The following HDAC9 variants were observed in gnomAD, a reference collection of about 807,000 sequenced individuals.
HDAC9 encodes MEF-2 interacting transcription repressor (MITR) protein.
In HDAC9, 41 loss-of-function variants were observed where a neutral mutation model predicts 139.4. The observed-to-expected ratio is 0.29, with a 90% CI of 0.23 to 0.38. The LOEUF (loss-of-function observed/expected upper bound fraction) is 0.38, where lower values mean the gene tolerates loss of function less well. HDAC9 is among the 10% of genes least tolerant of loss of function. HDAC9 has a pLI of 1.00. For missense variants in HDAC9, 1,147 were observed against 1,297.0 expected, an observed-to-expected ratio of 0.88 and a Z score of 1.78; for synonymous variants, 517 against 476.2, an observed-to-expected ratio of 1.09 and a Z score of -1.12.
chr7:18,600,210 G>C (rs1021246766), intron 6 of HDAC9, among the ~76,000 whole-genome samples: 3 of 151,426 alleles, frequency 2.0e-5, no homozygotes, highest in Non-Finnish European at 4.4e-5. Context: ...TTCTTTTTTT[G>C]CTGTTTGTCT....
chr7:18,161,334 T>G (rs1208386730), intron 1 of HDAC9, among the ~76,000 whole-genome samples: 2 of 152,186 alleles, frequency 1.3e-5, no homozygotes, highest in Non-Finnish European at 2.9e-5. Context: ...AATAACACTT[T>G]CAAAATAGTG....
At chr7:18,511,940 G>A (rs1188739411) in intron 2 of HDAC9, among the ~76,000 whole-genome samples, 2 of 148,618 alleles carry the variant, frequency 1.3e-5, no homozygotes, top group African/African-American at 5.0e-5. Flanking sequence ...TTTATGGAGA[G>A]AGAATTCCAG....
At chr7:18,927,338 G>T (rs1426943006) in intron 22 of HDAC9, among the ~76,000 whole-genome samples, 12 of 152,110 alleles carry the variant, frequency 7.9e-5, no homozygotes. Flanking sequence ...GCAACAATCA[G>T]ATTCTGCTTT....
At chr7:18,930,787 G>A (rs1322458896) in intron 22 of HDAC9, among the ~76,000 whole-genome samples, 1 of 152,156 alleles carries the variant, frequency 6.6e-6, no homozygotes, top group Non-Finnish European at 1.5e-5. Flanking sequence ...AATAAACCCT[G>A]TAGGTAAAAG....
intron 17 of HDAC9, among the ~76,000 whole-genome samples, chr7:18,801,415 A>C (rs555990592): frequency 6.6e-6 from 1 of 152,124 alleles, no homozygotes; most frequent in African/African-American, 2.4e-5. Context: ...AAATATTAAA[A>C]ATTTTTGTAT....
intron 1 of HDAC9, among the ~76,000 whole-genome samples, chr7:18,096,077 G>T (rs745551777): frequency 6.6e-6 from 1 of 152,024 alleles, no homozygotes; most frequent in Non-Finnish European, 1.5e-5. Flanking sequence ...ACATCTTTTC[G>T]TTCCCTTGAA....
chr7:18,389,895 G>A (rs1435778361), intron 1 of HDAC9, among the ~76,000 whole-genome samples: 14 of 152,132 alleles, frequency 9.2e-5, no homozygotes, highest in Non-Finnish European at 1.8e-4. Flanking sequence ...ATACTTTAGA[G>A]AGTGTGTGAC....
chr7:18,503,551 G>A (rs1303599454), intron 2 of HDAC9, among the ~76,000 whole-genome samples: 8 of 152,086 alleles, frequency 5.3e-5, no homozygotes, highest in Non-Finnish European at 1.2e-4. Flanking sequence ...TTATCATAAT[G>A]TTAACTTTTC....
intron 1 of HDAC9, among the ~76,000 whole-genome samples, chr7:18,139,485 C>A (rs1785724822): frequency 6.6e-6 from 1 of 152,104 alleles, no homozygotes; most frequent in African/African-American, 2.4e-5. Flanking sequence ...TGATGCTTTA[C>A]TTATAATCTA....
At chr7:18,724,570 C>T (rs977591957) in intron 12 of HDAC9, among the ~76,000 whole-genome samples, 5 of 152,074 alleles carry the variant, frequency 3.3e-5, no homozygotes, top group Non-Finnish European at 5.9e-5. Flanking sequence ...GTACTGTAGA[C>T]ATCATAAACA....
chr7:18,432,578 C>T (rs1350113933), intron 1 of HDAC9, among the ~76,000 whole-genome samples: 1 of 152,210 alleles, frequency 6.6e-6, no homozygotes, highest in East Asian at 1.9e-4. Flanking sequence ...GCATCTTCCC[C>T]TATAATTGGG....
intron 1 of HDAC9, among the ~76,000 whole-genome samples, chr7:18,119,775 G>C (rs1196180221): frequency 6.6e-6 from 1 of 152,180 alleles, no homozygotes; most frequent in Non-Finnish European, 1.5e-5. Context: ...TTGACATTAT[G>C]ACTGGGAAGT....
intron 25 of HDAC9, among the ~76,000 whole-genome samples, chr7:18,990,844 A>T (rs1210883488): frequency 6.6e-6 from 1 of 152,242 alleles, no homozygotes; most frequent in Admixed American, 6.5e-5. Flanking sequence ...TGACTAGGAA[A>T]GAGAACTCCC....
chr7:18,840,672 C>G (rs959995102), intron 21 of HDAC9, among the ~76,000 whole-genome samples: 1 of 152,032 alleles, frequency 6.6e-6, no homozygotes, highest in Admixed American at 6.6e-5. Flanking sequence ...ATAGTCAAAG[C>G]CATTGAACCA....
intron 1 of HDAC9, among the ~76,000 whole-genome samples, chr7:18,133,535 T>G (rs1019125250): frequency 1.3e-5 from 2 of 152,172 alleles, no homozygotes; most frequent in African/African-American, 4.8e-5. Context: ...TTTTTCCTGG[T>G]TATTATCCCT....
At chr7:18,269,576 G>C (rs2128212308) in intron 2 of HDAC9, among the ~76,000 whole-genome samples, 1 of 152,202 alleles carries the variant, frequency 6.6e-6, no homozygotes, top group Non-Finnish European at 1.5e-5. Context: ...AGCATGGGAA[G>C]CTGGGCATGG....
chr7:18,605,518 A>C (rs1177481416), intron 6 of HDAC9, among the ~76,000 whole-genome samples: 1 of 152,212 alleles, frequency 6.6e-6, no homozygotes, highest in East Asian at 1.9e-4. Context: ...CAAGTATTAC[A>C]AAATGGTTAC....
In HDAC9 at chr7:18,496,346, G is replaced by C. The variant is rs2128140267; in HGVS notation, c.22+22G>C. 7 of 1,608,786 alleles carry C rather than the reference G, an allele frequency of 4.4e-6. No homozygotes were observed. The Middle Eastern group carries it at 5.0e-4, about 114-fold the overall frequency. ...TCAGGTAAGATCCTCTTTCATAACT[G>C]AGACGTTTTAGGTTTGAAAGGGGGC... On this transcript the variant is annotated intron_variant, in intron 2 of 25. Coordinates refer to ENST00000686413, the MANE Select transcript of HDAC9 (RefSeq NM_178425.4).
chr7:18,303,177 G>A (rs963474293), intron 1 of HDAC9, among the ~76,000 whole-genome samples: 2 of 152,218 alleles, frequency 1.3e-5, no homozygotes, highest in African/African-American at 4.8e-5. Context: ...CTAGCATAAA[G>A]CTATTAAGTT....
Sources: allele counts gnomAD v4.1 joint callset (sites outside exome capture counted in the v4.1 genomes callset), GRCh38; gene constraint gnomAD v4.1.1; transcripts MANE v1.5; gene names NCBI Gene and HGNC (gene_info 2026-07-23, HGNC 2026-07-21).